ATG13: variants seen among roughly 807,000 people sequenced by gnomAD.
ATG13 encodes the protein autophagy-related protein 13.
ATG13 carries 23 observed loss-of-function variants against 65.5 expected under a neutral mutation model. The observed-to-expected ratio is 0.35, with a 90% CI of 0.25 to 0.50. ATG13 has a LOEUF of 0.50. Among genes scored for constraint, ATG13 ranks in the 20% least tolerant of loss-of-function variants. ATG13 has a pLI of 0.98. For missense variants in ATG13, 566 were observed against 677.0 expected (o/e 0.84, Z 1.82); for synonymous variants, 252 against 245.2 (o/e 1.03, Z -0.26).
At position 46,672,897 on chromosome 11, in the gene ATG13, G is replaced by A; in HGVS notation, c.*565G>A. On this transcript the variant is annotated 3_prime_UTR_variant, in exon 19 of 19. Transcript: ENST00000683050. Reference sequence around the variant, plus strand: ...TCTTGCCTCTATGCCTGTATTTCTGGCAATATGACAGGCCTGCCTACCCAA... The same window carrying A: ...TCTTGCCTCTATGCCTGTATTTCTGACAATATGACAGGCCTGCCTACCCAA... The A allele has an allele frequency of 1.0e-6, 1 of 995,390 alleles. No homozygotes were observed. Among genetic ancestry groups the A allele is most frequent in the Non-Finnish European group, 1.3e-6 (1 of 765,856 alleles). 61.7% of individuals were successfully genotyped at this position (995,390 alleles called of 1,614,324 possible). A position where few individuals can be genotyped will look rare whatever the true frequency, so the allele number is the denominator to read the frequency against.
At chr11:46,626,180 C>G (rs1383748338) in intron 1 of ATG13, among the ~76,000 whole-genome samples, 2 of 152,116 alleles carry the variant, frequency 1.3e-5, no homozygotes, top group Admixed American at 1.3e-4. Context: ...TGGTCTTGAT[C>G]TCCTGACCTT....
chr11:46,634,649 C>T (rs937187510), intron 2 of ATG13, among the ~76,000 whole-genome samples: 5 of 152,044 alleles, frequency 3.3e-5, no homozygotes, highest in Non-Finnish European at 7.4e-5. Flanking sequence ...CCCACCTCAT[C>T]CTCCCAAAGT....
intron 2 of ATG13, among the ~76,000 whole-genome samples, chr11:46,633,059 C>T (rs1308604624): frequency 1.5e-5 from 2 of 134,444 alleles, no homozygotes; most frequent in East Asian, 4.5e-4. Context: ...GGGTCTTGCT[C>T]TGTCGCCCAG....
At chr11:46,618,753 T>G (rs79309330) in intron 1 of ATG13, among the ~76,000 whole-genome samples, 3,544 of 152,190 alleles carry the variant, frequency 0.023, 128 homozygotes, top group African/African-American at 0.08. Flanking sequence ...AGGTTTTTTT[T>G]TTGTTGTTTT....
chr11:46,655,846 T>A (rs191463474), intron 7 of ATG13, among the ~76,000 whole-genome samples: 3 of 152,220 alleles, frequency 2.0e-5, no homozygotes, highest in Admixed American at 1.3e-4. Context: ...TAAGTGATCC[T>A]CCCACCTCAG....
intron 1 of ATG13, among the ~76,000 whole-genome samples, chr11:46,619,521 A>G (rs2046648286): frequency 6.6e-6 from 1 of 151,264 alleles, no homozygotes. Flanking sequence ...AGTAGCTGGG[A>G]TTACAGACAT....
chr11:46,651,786 G>A (rs770683627), intron 7 of ATG13, among the ~76,000 whole-genome samples: 65 of 152,016 alleles, frequency 4.3e-4, no homozygotes, highest in Admixed American at 2.0e-3. Context: ...AATTTTTGCC[G>A]TCTTCTCCGT....
chr11:46,650,250 A>C lies in ATG13; in HGVS notation c.391A>C (p.Ile131Leu). The change falls in exon 7 of 19, where the codon ATA becomes CTA. Residue 131 changes from isoleucine to leucine, a missense_variant. Coordinates refer to ENST00000683050, the MANE Select transcript of ATG13 (RefSeq NM_001346311.2). ...ATTGCTGCTGAAGTCCCTTCTTGCT[A>C]TAACTAGGGTGACACCAGCCTATAG... ...LSLLLKSLLA[I>L]TRVTPAYRLS... The C allele has an allele frequency of 6.2e-7, 1 of 1,614,084 alleles. No individual in the cohort carries two copies. Among genetic ancestry groups the C allele is most frequent in the South Asian group, 1.1e-5 (1 of 91,082 alleles).
Position 46,644,308 on chromosome 11 carries a change from A to G in ATG13, c.17A>G (p.Asn6Ser), listed in dbSNP as rs752352332. Residue 6 changes from asparagine (N) to serine (S), a missense_variant, in exon 3 of 19, where the codon AAT becomes AGT. Transcript: ENST00000683050. ...CTATAGGCAATGGAAACTGATCTCA[A>G]TTCCCAGGACAGAAAGGACCTGGAC... Reference protein sequence around the residue: METDLNSQDRKDLDKF... With the variant: METDLSSQDRKDLDKF... The G allele has an allele frequency of 6.2e-7, 1 of 1,607,534 alleles. No homozygotes were observed. The highest frequency in any genetic ancestry group is 8.5e-7 in the Non-Finnish European group (1 of 1,178,322).
At chr11:46,663,260 C>T (rs112613749) in intron 11 of ATG13, among the ~76,000 whole-genome samples, 1 of 47,300 alleles carries the variant, frequency 2.1e-5, no homozygotes, top group African/African-American at 8.6e-5. Context: ...AGTGAGACTC[C>T]ATCTCAAAAA....
intron 2 of ATG13, among the ~76,000 whole-genome samples, chr11:46,639,530 C>A (rs1163648339): frequency 2.0e-5 from 3 of 151,918 alleles, no homozygotes; most frequent in African/African-American, 4.8e-5. Flanking sequence ...TGTAACAGGT[C>A]CATTGTTCAT....
In ATG13 at chr11:46,665,498, G is replaced by A. The variant is rs776868069; in HGVS notation, c.1115G>A (p.Cys372Tyr). 6.2e-7 allele frequency: 1 copy of A among 1,614,200 alleles called. No individual in the cohort carries two copies. The highest frequency in any genetic ancestry group is 2.2e-5 in the East Asian group (1 of 44,888). Residue 372 changes from cysteine to tyrosine, a missense_variant, in exon 14 of 19, where the codon TGT becomes TAT. By Grantham distance (194) the Cys-to-Tyr change is radical. Coordinates refer to ENST00000683050, the MANE Select transcript of ATG13 (RefSeq NM_001346311.2). Reference sequence around the variant, plus strand: ...TGCACCCCTTCTGACAGAACCCACTGTGCTGCCACACCCTCCAGTAGGTGA... The same window carrying A: ...TGCACCCCTTCTGACAGAACCCACTATGCTGCCACACCCTCCAGTAGGTGA... ...ATCTPSDRTH[C>Y]AATPSSSEDT...
rs144961297 is a variant in ATG13, at chr11:46,641,951, T to C, written c.-13-2328T>C. Among the ~76,000 whole-genome samples, 433 of 152,156 alleles carry C rather than the reference T, an allele frequency of 2.8e-3. 1 individual carries two copies. Among genetic ancestry groups the C allele is most frequent in the African/African-American group, 9.9e-3 (409 of 41,522 alleles). On this transcript the variant is annotated intron_variant, in intron 2 of 18. Transcript: ENST00000683050. Reference sequence around the variant, plus strand: ...CACCATGCCTGGCTAAATTTTTTTGTATTTTGATTAGAGACGGGTTGTGCC... The same window carrying C: ...CACCATGCCTGGCTAAATTTTTTTGCATTTTGATTAGAGACGGGTTGTGCC...
At chr11:46,633,741 T>A (rs146173929) in intron 2 of ATG13, among the ~76,000 whole-genome samples, 66 of 152,086 alleles carry the variant, frequency 4.3e-4, no homozygotes, top group African/African-American at 1.5e-3. Flanking sequence ...AGGCCAGGAG[T>A]TCCAGGTTAC....
chr11:46,656,452 A>G, intron 8 of ATG13, 179 bp downstream of exon 8: 3 of 500,882 alleles, frequency 6.0e-6, no homozygotes, highest in Non-Finnish European at 1.0e-5. Flanking sequence ...CAGGGTAACC[A>G]AATAATTTTT....
Position 46,644,346 on chromosome 11 carries a change from T to C in ATG13, c.55T>C (p.Phe19Leu). ...AAAGGACCTGGACAAGTTTATTAAA[T>C]TTTTTGCCCTCAAGGTAATGTGTCC... is the stretch of plus-strand genomic sequence containing the variant. ...DRKDLDKFIKFFALKTVQVIV... is the reference protein window; with the variant it reads ...DRKDLDKFIKLFALKTVQVIV... The change falls in exon 3 of 19, where the codon TTT becomes CTT. Residue 19 changes from phenylalanine (F) to leucine (L), a missense_variant. Physicochemically the swap from Phe to Leu is conservative, Grantham distance 22 (BLOSUM62 0). Around this residue, in one of 2 missense-constraint regions of ATG13, gnomAD observed 179 missense variants for 267.2 expected, o/e 0.67. Transcript: ENST00000683050. The C allele has an allele frequency of 6.2e-7, 1 of 1,610,488 alleles. No individual in the cohort carries two copies. The highest frequency in any genetic ancestry group is 1.1e-5 in the South Asian group (1 of 90,350).
rs1447256927 is a variant in ATG13, at chr11:46,664,020, A to G, written c.813A>G (p.Ala271=). Reference sequence around the variant, plus strand: ...AGTGTGTGTTTACTGTCACAAAGGCACATTTTCAGACCCCTACTCCTGTGG... The same window carrying G: ...AGTGTGTGTTTACTGTCACAAAGGCGCATTTTCAGACCCCTACTCCTGTGG... ...PSQCVFTVTK[A]HFQTPTPVVT... Residue 271 remains alanine (A), a synonymous_variant, in exon 12 of 19, where the codon GCA becomes GCG. Coordinates refer to ENST00000683050, the MANE Select transcript of ATG13 (RefSeq NM_001346311.2). 1 of 1,593,110 alleles carries G rather than the reference A, an allele frequency of 6.3e-7. No homozygotes were observed.
intron 2 of ATG13, among the ~76,000 whole-genome samples, chr11:46,639,776 GT>G (rs1173536242): frequency 6.6e-6 from 1 of 151,918 alleles, no homozygotes; most frequent in Non-Finnish European, 1.5e-5. Flanking sequence ...TCTTACACTG[GT>G]TTGGTTTCTC....
In ATG13 at chr11:46,672,447, C is replaced by A; in HGVS notation, c.*115C>A. 1.3e-6 allele frequency: 2 copies of A among 1,580,458 alleles called. No homozygotes were observed. Among genetic ancestry groups the A allele is most frequent in the South Asian group, 1.2e-5 (1 of 86,284 alleles). ...TGCTCTGAGCCAGGTGGAAGGGAGG[C>A]TGGCTTCTCCCATGGGGACCCAGAA... On this transcript the variant is annotated 3_prime_UTR_variant, in exon 19 of 19. Coordinates refer to ENST00000683050, the MANE Select transcript of ATG13 (RefSeq NM_001346311.2).
Sources: allele counts gnomAD v4.1 joint callset (sites outside exome capture counted in the v4.1 genomes callset), GRCh38; gene constraint gnomAD v4.1.1; regional missense constraint gnomAD v4.1.1; transcripts MANE v1.5; gene names NCBI Gene and HGNC (gene_info 2026-07-23, HGNC 2026-07-21).